Variants in CLEC16A observed in about 807,000 individuals in gnomAD.
CLEC16A encodes protein CLEC16A.
In CLEC16A, 51 loss-of-function variants were observed where a neutral mutation model predicts 109.5. The ratio of observed to expected loss-of-function variants is 0.47; its 90% confidence interval spans 0.37 to 0.59. The LOEUF (loss-of-function observed/expected upper bound fraction) is 0.59, where lower values mean the gene tolerates loss of function less well. CLEC16A is among the 20% of genes least tolerant of loss of function. The pLI, the probability that CLEC16A is intolerant of heterozygous loss-of-function variation, is 0.00. For missense variants in CLEC16A, 1,339 were observed against 1,394.0 expected, an observed-to-expected ratio of 0.96 and a Z score of 0.63; for synonymous variants, 673 against 564.2, an observed-to-expected ratio of 1.19 and a Z score of -2.73.
At chr16:11,017,802 C>T (rs185296732) in intron 11 of CLEC16A, among the ~76,000 whole-genome samples, 158 of 152,132 alleles carry the variant, frequency 1.0e-3, no homozygotes, top group African/African-American at 3.7e-3. Context: ...CTCAAGAATG[C>T]CTGACCAGTA....
chr16:11,077,974 T>C (rs1043406899), intron 19 of CLEC16A, among the ~76,000 whole-genome samples: 2 of 136,642 alleles, frequency 1.5e-5, no homozygotes, highest in African/African-American at 5.7e-5. Context: ...CGTGTGTGTG[T>C]GTGTGTGTGT....
chr16:11,120,347 A>G (rs1282267277), intron 19 of CLEC16A, among the ~76,000 whole-genome samples: 1 of 152,200 alleles, frequency 6.6e-6, no homozygotes, highest in South Asian at 2.1e-4. Flanking sequence ...TGTACTTTAT[A>G]TGCTTTATAT....
chr16:11,081,484 G>T (rs1355071833), intron 19 of CLEC16A, among the ~76,000 whole-genome samples: 1 of 152,104 alleles, frequency 6.6e-6, no homozygotes, highest in Non-Finnish European at 1.5e-5. Context: ...CCTCCAGGTA[G>T]CCCTGGCTCA....
rs1567479153 is a variant in CLEC16A at position 10,944,773 on chromosome 16, A to G, written c.56A>G (p.Asn19Ser). The change falls in exon 1 of 24, where the codon AAC (asparagine) becomes AGC (serine). Residue 19 changes from asparagine to serine, a missense_variant. By Grantham distance (46) the Asn-to-Ser change is conservative (BLOSUM62 1). Transcript: ENST00000409790. The stretch of plus-strand genomic sequence containing the variant: ...GGGGGCCATGGCAAGACTTCCCGCA[A>G]CATCCACTCCTTGGACCACCTCAAG... ...VGGGHGKTSR[N>S]IHSLDHLKYL... The G allele has an allele frequency of 1.2e-6, 2 of 1,609,472 alleles. No individual in the cohort carries two copies. Among genetic ancestry groups the G allele is most frequent in the African/African-American group, 1.3e-5 (1 of 74,862 alleles).
chr16:11,120,522 C>G, intron 19 of CLEC16A, 93 bp from the exon 20 acceptor site: 10 of 1,358,370 alleles, frequency 7.4e-6, no homozygotes, highest in South Asian at 1.7e-5. Flanking sequence ...CCACTGAGCT[C>G]TGCTCCTGAT....
intron 19 of CLEC16A, among the ~76,000 whole-genome samples, chr16:11,061,973 G>T (rs1421184996): frequency 2.0e-5 from 3 of 152,194 alleles, no homozygotes; most frequent in Non-Finnish European, 2.9e-5. Flanking sequence ...CAGCTACACA[G>T]CCCTGATGGA....
chr16:11,052,237 G>A (rs558790176), intron 18 of CLEC16A, among the ~76,000 whole-genome samples: 3 of 152,170 alleles, frequency 2.0e-5, no homozygotes, highest in East Asian at 3.9e-4. Context: ...TTATCTCCCG[G>A]GTAAGATCAG....
chr16:11,153,575 T>TA lies in CLEC16A; in HGVS notation c.2642-12812dup, dbSNP rs146729286. ...CGTCACTCTAAGTATACATACTAGA[T>TA]ACGTTCCTTAAAAGTTGCCTGTAAT... is the stretch of plus-strand genomic sequence containing the variant. On this transcript the variant is annotated intron_variant, in intron 22 of 23. Coordinates refer to ENST00000409790, the MANE Select transcript of CLEC16A (RefSeq NM_015226.3). Among the ~76,000 whole-genome samples the TA allele has an allele frequency of 8.3e-3, 1,258 of 150,932 alleles. 20 individuals carry two copies. The highest frequency in any genetic ancestry group is 0.029 in the African/African-American group (1,191 of 40,970).
chr16:11,125,903 G>GC, intron 21 of CLEC16A, 76 bp from the exon 22 acceptor site: 1 of 309,548 alleles, frequency 3.2e-6, no homozygotes, highest in Non-Finnish European at 6.3e-6. Flanking sequence ...CCACTACGAT[G>GC]TCCCCCCCCC....
chr16:11,124,036 T>C, intron 21 of CLEC16A, 90 bp downstream of exon 21: 2 of 1,166,328 alleles, frequency 1.7e-6, no homozygotes, highest in Non-Finnish European at 1.2e-6. Context: ...AGAACCCCCA[T>C]AGCATAGAAG....
intron 22 of CLEC16A, among the ~76,000 whole-genome samples, chr16:11,147,174 C>T (rs963275224): frequency 6.6e-5 from 10 of 152,124 alleles, no homozygotes; most frequent in African/African-American, 2.4e-4. Flanking sequence ...TGTTGCTGCC[C>T]GTTTGACACC....
chr16:10,957,693 A>C lies in CLEC16A; in HGVS notation c.81-89A>C. The C allele has an allele frequency of 2.2e-6, 3 of 1,369,834 alleles. No homozygotes were observed. The South Asian group carries it at 3.6e-5, about 16-fold the overall frequency. The allele number at this position is 1,369,834 out of a possible 1,614,324, so 84.9% of individuals were successfully genotyped here. A position where few individuals can be genotyped will look rare whatever the true frequency, so the allele number is the denominator to read the frequency against. The stretch of plus-strand genomic sequence containing the variant: ...CCCAAACCTGAAAAAGCATTGCTGC[A>C]TTGTCTCCAAAATATTGCTAATGGT... On this transcript the variant is annotated intron_variant, in intron 1 of 23. Coordinates refer to ENST00000409790, the MANE Select transcript of CLEC16A (RefSeq NM_015226.3).
intron 10 of CLEC16A, among the ~76,000 whole-genome samples, chr16:10,998,474 A>C (rs539700002): frequency 1.6e-4 from 25 of 152,292 alleles, no homozygotes; most frequent in Non-Finnish European, 2.5e-4. Context: ...TTCTTTGCAG[A>C]ATACTTTTCC....
In CLEC16A at chr16:10,944,834, G is replaced by A. The variant is rs753349302; in HGVS notation, c.80+37G>A. ...GGGCGTAGCGGGAGGCCTCGGGGCT[G>A]GACAGGGGGACGGGGCGCCGAGCTC... On this transcript the variant is annotated intron_variant, in intron 1 of 23. Transcript: ENST00000409790. 8.4e-6 allele frequency: 13 copies of A among 1,539,378 alleles called. No individual in the cohort carries two copies. In the Admixed American group the frequency reaches 2.4e-4, roughly 28 times the overall value.
intron 12 of CLEC16A, among the ~76,000 whole-genome samples, chr16:11,021,232 A>G (rs1246944963): frequency 8.5e-5 from 13 of 152,206 alleles, no homozygotes. Context: ...CAAATGTTTC[A>G]ATGACTTAAC....
At chr16:11,043,375 A>C (rs1198268448) in intron 15 of CLEC16A, among the ~76,000 whole-genome samples, 2 of 152,054 alleles carry the variant, frequency 1.3e-5, no homozygotes, top group African/African-American at 2.4e-5. Context: ...GTACCACCGC[A>C]CTCCAGCCTG....
chr16:11,101,300 G>A (rs2050899861), intron 19 of CLEC16A, among the ~76,000 whole-genome samples: 1 of 152,126 alleles, frequency 6.6e-6, no homozygotes, highest in Admixed American at 6.6e-5. Flanking sequence ...AGCCACCCTT[G>A]TTGATGGGTC....
At chr16:11,074,401 G>A (rs1024254495) in intron 19 of CLEC16A, among the ~76,000 whole-genome samples, 1 of 152,206 alleles carries the variant, frequency 6.6e-6, no homozygotes, top group African/African-American at 2.4e-5. Flanking sequence ...CCTATAAACT[G>A]ACTGGAAATG....
At chr16:11,010,143 C>T (rs985739627) in intron 11 of CLEC16A, among the ~76,000 whole-genome samples, 1 of 122,194 alleles carries the variant, frequency 8.2e-6, no homozygotes, top group Non-Finnish European at 1.7e-5. Context: ...CAGAGTGAGA[C>T]CTTGTTTCTT....
Sources: gnomAD v4.1 joint callset for allele counts (sites outside exome capture counted in the v4.1 genomes callset) on GRCh38, gnomAD v4.1.1 for gene constraint, MANE v1.5 for transcripts, NCBI Gene and HGNC (gene_info 2026-07-23, HGNC 2026-07-21) for gene names.